The following DNAH3 variants were observed in gnomAD, a reference collection of about 807,000 sequenced individuals.
DNAH3 encodes axonemal beta dynein heavy chain 3.
In DNAH3, 332 loss-of-function variants were observed where a neutral mutation model predicts 432.5. The observed-to-expected ratio is 0.77, with a 90% confidence interval of 0.70 to 0.84. The LOEUF (loss-of-function observed/expected upper bound fraction) is 0.84, where lower values mean the gene tolerates loss of function less well. DNAH3 is among the 40% of genes least tolerant of loss of function. The pLI, the probability that DNAH3 is intolerant of heterozygous loss-of-function variation, is 0.00. For missense variants in DNAH3, 4,861 were observed against 5,114.0 expected, an observed-to-expected ratio of 0.95 and a Z score of 1.51; for synonymous variants, 1,956 against 1,900.2, an observed-to-expected ratio of 1.03 and a Z score of -0.76.
At chr16:21,063,945 G>T (rs2090452029) in intron 24 of DNAH3, among the ~76,000 whole-genome samples, 1 of 152,190 alleles carries the variant, frequency 6.6e-6, no homozygotes, top group African/African-American at 2.4e-5. Context: ...ATTCAAACCT[G>T]TACTGTGACC....
chr16:20,937,254 A>T (rs2083625889), intron 59 of DNAH3, among the ~76,000 whole-genome samples: 1 of 152,094 alleles, frequency 6.6e-6, no homozygotes, highest in South Asian at 2.1e-4. Context: ...TCCTGGGCTC[A>T]AGTGATCCTC....
chr16:20,936,319 A>AT (rs2083588232), intron 60 of DNAH3, among the ~76,000 whole-genome samples: 1 of 151,728 alleles, frequency 6.6e-6, no homozygotes, highest in South Asian at 2.1e-4. Context: ...TGCCCTGCTG[A>AT]TTTTTTTGGT....
At chr16:21,075,352 A>C in intron 21 of DNAH3, 95 bp downstream of exon 21, 1 of 881,618 alleles carries the variant, frequency 1.1e-6, no homozygotes, top group Non-Finnish European at 1.9e-6. Flanking sequence ...TTTCTCTGTG[A>C]GTTCTGTTGC....
At position 20,975,224 on chromosome 16, in the gene DNAH3, T is replaced by G. The variant is rs2152647178; in HGVS notation, c.8259+9A>C. On this transcript the variant is annotated intron_variant, in intron 51 of 61. Coordinates refer to ENST00000261383, the Ensembl canonical transcript of DNAH3. Reference sequence around the variant, plus strand: ...ACCAGTTCCCTCCCTTTCTTCTCAGTCTTTCTACCTTGATTCCTTGGGCAA... The same window carrying G: ...ACCAGTTCCCTCCCTTTCTTCTCAGGCTTTCTACCTTGATTCCTTGGGCAA... 2 of 1,612,518 alleles carry G rather than the reference T, an allele frequency of 1.2e-6. No homozygotes were observed. Among genetic ancestry groups the G allele is most frequent in the African/African-American group, 1.3e-5 (1 of 74,860 alleles).
At chr16:21,007,691 A>G (rs2087382315) in intron 41 of DNAH3, among the ~76,000 whole-genome samples, 1 of 152,162 alleles carries the variant, frequency 6.6e-6, no homozygotes, top group African/African-American at 2.4e-5. Context: ...TTGAAGCACG[A>G]AAGTTTTTAA....
exon 31 of DNAH3, chr16:21,049,635 C>A: frequency 6.2e-7 from 1 of 1,614,192 alleles, no homozygotes; most frequent in Non-Finnish European, 8.5e-7. Context: ...TGAAGAACTT[C>A]CCCATAGCTT....
intron 53 of DNAH3, among the ~76,000 whole-genome samples, chr16:20,963,049 A>G (rs182900743): frequency 1.3e-5 from 2 of 152,348 alleles, no homozygotes; most frequent in Admixed American, 6.5e-5. Context: ...TTGAAAAATC[A>G]GATGATCTAG....
rs187993088 is a variant in DNAH3 at position 21,004,930 on chromosome 16, T to A, written c.6023-1723A>T. On this transcript the variant is annotated intron_variant, in intron 41 of 61. Transcript: ENST00000261383. ...GTTCCTTTTGTTGTCATTGACACTA[T>A]AACTTTCACTTTGTCAGGGTTCATA... Among the ~76,000 whole-genome samples, 187 of 152,344 alleles carry A rather than the reference T, an allele frequency of 1.2e-3. 1 individual carries two copies. Among genetic ancestry groups the A allele is most frequent in the African/African-American group, 4.3e-3 (179 of 41,574 alleles).
chr16:21,106,741 T>G, intron 14 of DNAH3, 67 bp from the exon 15 acceptor site: 1 of 1,293,758 alleles, frequency 7.7e-7, no homozygotes, highest in African/African-American at 1.5e-5. Flanking sequence ...AAAATGACTT[T>G]CTTGTAAGAC....
At chr16:21,133,991 G>A (rs768276632) in intron 7 of DNAH3, among the ~76,000 whole-genome samples, 3 of 152,316 alleles carry the variant, frequency 2.0e-5, no homozygotes, top group East Asian at 1.9e-4. Context: ...TTAGACCTGA[G>A]CAGGCTGGCT....
chr16:21,082,429 T>C (rs2091220674), intron 19 of DNAH3, among the ~76,000 whole-genome samples: 1 of 152,170 alleles, frequency 6.6e-6, no homozygotes, highest in Admixed American at 6.5e-5. Flanking sequence ...CTTGAACTCC[T>C]ATACTCAAGC....
chr16:20,978,487 C>G (rs562640590), intron 50 of DNAH3, among the ~76,000 whole-genome samples: 3 of 152,284 alleles, frequency 2.0e-5, no homozygotes, highest in African/African-American at 7.2e-5. Context: ...TGAGATTGCG[C>G]CACTGAGTTC....
chr16:21,097,259 A>C, intron 18 of DNAH3, 96 bp downstream of exon 18: 1 of 1,442,578 alleles, frequency 6.9e-7, no homozygotes, highest in South Asian at 1.2e-5. Context: ...TTAAAAGTCC[A>C]GCCAGATTCT....
exon 58 of DNAH3, chr16:20,944,513 T>G (rs766541623): frequency 1.5e-5 from 24 of 1,614,036 alleles, no homozygotes; most frequent in Non-Finnish European, 2.0e-5. Flanking sequence ...GACTTGCCAC[T>G]TCCTCCTGAC....
At chr16:21,124,689 G>A (rs143437387) in intron 9 of DNAH3, among the ~76,000 whole-genome samples, 36 of 149,406 alleles carry the variant, frequency 2.4e-4, no homozygotes, top group African/African-American at 8.7e-4. Flanking sequence ...CACTCTTGTC[G>A]CCCAGGCTGG....
chr16:21,141,149 A>AATT, intron 4 of DNAH3, 151 bp downstream of exon 5: 1 of 558,730 alleles, frequency 1.8e-6, no homozygotes, highest in East Asian at 3.6e-5. Context: ...AAAAAAAAAA[A>AATT]TTTTTTTTTT....
intron 44 of DNAH3, among the ~76,000 whole-genome samples, chr16:20,991,727 G>C (rs2086568767): frequency 6.6e-6 from 1 of 152,050 alleles, no homozygotes; most frequent in Non-Finnish European, 1.5e-5. Flanking sequence ...ACGTTCCTCT[G>C]TCCTCTGTAT....
At chr16:21,121,057 A>T in intron 10 of DNAH3, 1 of 679,970 alleles carries the variant, frequency 1.5e-6, no homozygotes, top group Non-Finnish European at 2.7e-6. Context: ...ACTCCTGGGC[A>T]TTCGTTTCAC....
rs762847745 is a variant in DNAH3 at position 21,037,954 on chromosome 16, T to C, written c.4757A>G (p.Tyr1586Cys). 6.4e-5 allele frequency: 104 copies of C among 1,613,916 alleles called. No individual in the cohort carries two copies. In the Middle Eastern group the frequency reaches 8.2e-4, roughly 13 times the overall value. The change falls in exon 34 of 62, where the codon TAC (tyrosine) becomes TGC (cysteine). Residue 1586 changes from tyrosine to cysteine, a missense_variant. Tyr to Cys is a radical substitution (Grantham distance 194). Transcript: ENST00000261383. ...GGACAGTTGTTCCGAGCACAGGCGGTAGGTCGCAACGATCTTCTGGGCGAG... is the reference window on the plus strand; with the variant it reads ...GGACAGTTGTTCCGAGCACAGGCGGCAGGTCGCAACGATCTTCTGGGCGAG...
Sources: allele counts gnomAD v4.1 joint callset (sites outside exome capture counted in the v4.1 genomes callset), GRCh38; gene constraint gnomAD v4.1.1; transcripts MANE v1.5; gene names NCBI Gene and HGNC (gene_info 2026-07-23, HGNC 2026-07-21).